BEND2: variants seen among roughly 807,000 people sequenced by gnomAD.
BEND2 encodes BEN domain-containing protein 2.
A neutral mutation model predicts 43.8 loss-of-function variants in BEND2; 19 were observed. That is an observed-to-expected ratio of 0.43 (90% CI 0.30 to 0.64). The LOEUF is 0.64. Ranked by LOEUF, BEND2 falls within the 30% of genes least tolerant of loss-of-function variation. BEND2 has a pLI of 0.11. For missense variants in BEND2, 544 were observed against 574.0 expected (o/e 0.95, Z 0.53); for synonymous variants, 226 against 210.1 (o/e 1.08, Z -0.66).
intron 13 of BEND2, among the ~76,000 whole-genome samples, chrX:18,166,049 C>T (rs768769421): frequency 3.6e-5 from 4 of 112,218 alleles, no homozygotes; most frequent in South Asian, 3.7e-4. Context: ...AAAAGGCTTC[C>T]GTACCCAAAG....
chrX:18,219,405 C>T (rs989119980), intron 1 of BEND2, among the ~76,000 whole-genome samples: 3 of 112,767 alleles, frequency 2.7e-5, no homozygotes, highest in African/African-American at 9.7e-5. Context: ...AAAGGGACTC[C>T]GATTTCGCAG....
chrX:18,191,890 A>T (rs1164035298), intron 7 of BEND2, among the ~76,000 whole-genome samples: 1 of 112,238 alleles, frequency 8.9e-6, no homozygotes, highest in Non-Finnish European at 1.9e-5. Flanking sequence ...GTTTTGCAAG[A>T]TGTTACTGTT....
In BEND2 at chrX:18,213,930, G is replaced by T. The variant is rs190059683; in HGVS notation, c.239-19C>A. 298 of 112,843 alleles carry T rather than the reference G, an allele frequency of 2.6e-3. 2 individuals carry two copies. The highest frequency in any genetic ancestry group is 0.014 in the South Asian group (40 of 2,768). The allele number at this position is 112,843 out of a possible 1,213,427, so 9.3% of individuals were successfully genotyped here. On this transcript the variant is annotated intron_variant, in intron 2 of 13. Coordinates refer to ENST00000380033, the MANE Select transcript of BEND2 (RefSeq NM_153346.5). Reference sequence around the variant, plus strand: ...CCAGACCCTGACTCAAAAATAATAAGAAGAAGAAAATAAAAGATACAATAA... The same window carrying T: ...CCAGACCCTGACTCAAAAATAATAATAAGAAGAAAATAAAAGATACAATAA...
chrX:18,211,917 C>T lies in BEND2; in HGVS notation c.492+648G>A, dbSNP rs189868586. The stretch of plus-strand genomic sequence containing the variant: ...TTCTTCTCAGGAAAAAAGACTATGA[C>T]CCAAAACAGTACATACTGTACAGTT... On this transcript the variant is annotated intron_variant, in intron 4 of 13. Transcript: ENST00000380033. 3.0e-3 allele frequency among the ~76,000 whole-genome samples: 332 copies of T among 109,643 alleles called. 3 individuals are homozygous for T. Among genetic ancestry groups the T allele is most frequent in the African/African-American group, 0.01 (315 of 30,086 alleles).
At chrX:18,186,304 A>G (rs1924566375) in intron 8 of BEND2, among the ~76,000 whole-genome samples, 1 of 110,059 alleles carries the variant, frequency 9.1e-6, no homozygotes, top group Non-Finnish European at 1.9e-5. Context: ...CTAAAAATAC[A>G]AAAAGTAGCC....
rs938439800 is a variant in BEND2, at chrX:18,189,943, G to A, written c.1288+1058C>T. ...CACATGCCTGTAGTCCCAGCTACTC[G>A]GGAGGCTGAGGCAGGAGAATCGCTT... On this transcript the variant is annotated intron_variant, in intron 8 of 13. Coordinates refer to ENST00000380033, the MANE Select transcript of BEND2 (RefSeq NM_153346.5). 2.7e-5 allele frequency among the ~76,000 whole-genome samples: 3 copies of A among 109,866 alleles called. No homozygotes were observed. In the Admixed American group the frequency reaches 2.9e-4, roughly 11 times the overall value.
intron 4 of BEND2, among the ~76,000 whole-genome samples, chrX:18,207,143 C>A (rs1461336452): frequency 1.8e-5 from 2 of 111,665 alleles, no homozygotes; most frequent in Non-Finnish European, 3.8e-5. Flanking sequence ...GCACCCACTT[C>A]CCCCCAAGAC....
intron 8 of BEND2, among the ~76,000 whole-genome samples, chrX:18,185,402 G>A (rs952748797): frequency 7.4e-5 from 8 of 108,526 alleles, no homozygotes; most frequent in Non-Finnish European, 1.5e-4. Flanking sequence ...ATGGTGGCGC[G>A]TGCCTATAAT....
At chrX:18,217,706 C>T (rs1925713194) in intron 1 of BEND2, among the ~76,000 whole-genome samples, 1 of 111,220 alleles carries the variant, frequency 9.0e-6, no homozygotes, top group African/African-American at 3.3e-5. Context: ...ACCTAATTAT[C>T]TAAACCAAAG....
rs764394846 is a variant in BEND2, at chrX:18,194,798, T to C, written c.1180+498A>G. 5.4e-5 allele frequency among the ~76,000 whole-genome samples: 6 copies of C among 110,795 alleles called. No individual in the cohort carries two copies. In the South Asian group the frequency reaches 2.3e-3, roughly 43 times the overall value. On this transcript the variant is annotated intron_variant, in intron 7 of 13. Transcript: ENST00000380033. ...ATTACAGAGATAAAGAAGAGATCAG[T>C]GGAAGCCAGGTGTTAGGGATGGGTC...
rs764309023 is a variant in BEND2, at chrX:18,216,506, A to G, written c.238+15T>C. On this transcript the variant is annotated intron_variant, in intron 2 of 13. Coordinates refer to ENST00000380033, the MANE Select transcript of BEND2 (RefSeq NM_153346.5). ...AGAGTAAAATTTTGCCAAGGATGAA[A>G]TTTAACAAAATTACCATATGACATT... 10 of 1,185,839 alleles carry G rather than the reference A, an allele frequency of 8.4e-6. No homozygotes were observed. The highest frequency in any genetic ancestry group is 1.1e-5 in the Non-Finnish European group (10 of 873,613).
chrX:18,170,960 T>C (rs1923953395), intron 13 of BEND2, 41 bp downstream of exon 13: 4 of 1,208,035 alleles, frequency 3.3e-6, no homozygotes, highest in East Asian at 5.9e-5. Flanking sequence ...TTAAACACAA[T>C]TGGCTTTTAT....
In BEND2 at chrX:18,191,037, C is replaced by T. The variant is rs1924753850; in HGVS notation, c.1252G>A (p.Asp418Asn). The stretch of plus-strand genomic sequence containing the variant: ...GTGAGGCAGGCAGATGCTGAAGCAT[C>T]ATCTTGGTCACAGTTATTTTTCATT... ...TEMKNNCDQD[D>N]ASASACLTPD... The change falls in exon 8 of 14, where the codon GAT becomes AAT. Residue 418 changes from aspartate to asparagine, a missense_variant. Asp to Asn is a conservative substitution (Grantham distance 23, BLOSUM62 1). Coordinates refer to ENST00000380033, the MANE Select transcript of BEND2 (RefSeq NM_153346.5). 3 of 1,210,185 alleles carry T rather than the reference C, an allele frequency of 2.5e-6. No homozygotes were observed. In the East Asian group the frequency reaches 8.9e-5, roughly 36 times the overall value.
At chrX:18,175,530 G>A (rs1297338562) in intron 11 of BEND2, among the ~76,000 whole-genome samples, 2 of 112,009 alleles carry the variant, frequency 1.8e-5, no homozygotes, top group Non-Finnish European at 3.8e-5. Flanking sequence ...CATGACATGA[G>A]TTTATTTCAC....
Position 18,212,669 on chromosome X carries a change from C to T in BEND2, c.388G>A (p.Asp130Asn), listed in dbSNP as rs1925550543. 8.4e-7 allele frequency: 1 copy of T among 1,190,396 alleles called. No individual in the cohort carries two copies. Among genetic ancestry groups the T allele is most frequent in the South Asian group, 1.8e-5 (1 of 56,113 alleles). ...RTPPCPVAHG[D>N]QIVSQINHPV... ...TGGTTTATCTGTGAAACTATTTGGT[C>T]ACCATGGGCTACTGTGAAGCAATGC... Residue 130 changes from aspartate to asparagine, a missense_variant, in exon 4 of 14, where the codon GAC (aspartate) becomes AAC (asparagine). This residue lies in a region of BEND2 where 501 missense variants were observed against 501.6 expected (regional missense o/e 1.00). Coordinates refer to ENST00000380033, the MANE Select transcript of BEND2 (RefSeq NM_153346.5).
At chrX:18,178,207 G>A (rs1421537096) in intron 9 of BEND2, among the ~76,000 whole-genome samples, 11 of 111,723 alleles carry the variant, frequency 9.8e-5, no homozygotes, top group East Asian at 2.8e-4. Context: ...CGTGGGTGGG[G>A]ATCATTAAGA....
chrX:18,195,821 G>T (rs1245231590), intron 6 of BEND2, among the ~76,000 whole-genome samples: 3 of 105,160 alleles, frequency 2.9e-5, no homozygotes, highest in South Asian at 4.5e-4. Context: ...AGGCTGCAGT[G>T]AGCCATGATT....
intron 8 of BEND2, among the ~76,000 whole-genome samples, chrX:18,188,972 G>A (rs979220164): frequency 9.0e-5 from 10 of 111,538 alleles, no homozygotes; most frequent in African/African-American, 2.9e-4. Flanking sequence ...AGGCCGAGGC[G>A]GGTGGATTAC....
chrX:18,176,124 T>A, intron 10 of BEND2, 31 bp from the exon 11 acceptor site: 2 of 1,162,350 alleles, frequency 1.7e-6, no homozygotes, highest in Admixed American at 2.9e-5. Flanking sequence ...TCACGAAAAT[T>A]AGAAAAAAAA....
Sources: gnomAD v4.1 joint callset for allele counts (sites outside exome capture counted in the v4.1 genomes callset) on GRCh38, gnomAD v4.1.1 for gene constraint, gnomAD v4.1.1 regional missense constraint, MANE v1.5 for transcripts, NCBI Gene and HGNC (gene_info 2026-07-23, HGNC 2026-07-21) for gene names.